Variants in LATS2 observed in about 807,000 individuals in gnomAD.
LATS2 encodes the protein large tumor suppressor kinase 2, also known as serine/threonine-protein kinase LATS2.
LATS2 carries 24 observed loss-of-function variants against 76.0 expected under a neutral mutation model. That is an observed-to-expected ratio of 0.32 (90% CI 0.23 to 0.44). LATS2 has a LOEUF of 0.44. Ranked by LOEUF, LATS2 falls within the 20% of genes least tolerant of loss-of-function variation. LATS2 has a pLI of 1.00. For synonymous variants in LATS2, 692 were observed against 635.4 expected (o/e 1.09, Z -1.34); for missense variants, 1,286 against 1,481.2 (o/e 0.87, Z 2.16).
intron 2 of LATS2, among the ~76,000 whole-genome samples, chr13:21,042,043 A>G (rs1317983818): frequency 6.6e-6 from 1 of 152,230 alleles, no homozygotes. Context: ...TCCAATGCTC[A>G]AAATATGATA....
Position 20,974,644 on chromosome 13 carries a change from T to A in LATS2, c.*226A>T. 1.9e-6 allele frequency: 1 copy of A among 522,272 alleles called. No individual in the cohort carries two copies. Among genetic ancestry groups the A allele is most frequent in the Non-Finnish European group, 3.3e-6 (1 of 298,668 alleles). The allele number at this position is 522,272 out of a possible 1,614,324, so 32.4% of individuals were successfully genotyped here. A position where few individuals can be genotyped will look rare whatever the true frequency, so the allele number is the denominator to read the frequency against. ...TGTACTAAATTTTCAAAAATATTGT[T>A]TTAATGCAGTGAAGGTCCTGAAAAG... On this transcript the variant is annotated 3_prime_UTR_variant, in exon 8 of 8. Coordinates refer to ENST00000382592, the MANE Select transcript of LATS2 (RefSeq NM_014572.3).
intron 2 of LATS2, among the ~76,000 whole-genome samples, chr13:21,024,089 T>G (rs551964950): frequency 2.9e-5 from 3 of 102,274 alleles, no homozygotes; most frequent in African/African-American, 1.4e-4. Context: ...AGTGTCTCGC[T>G]GTGCAAAAAA....
Position 20,974,931 on chromosome 13 carries a change from G to A in LATS2, c.3206C>T (p.Ser1069Leu). 5.6e-6 allele frequency: 9 copies of A among 1,614,166 alleles called. No individual in the cohort carries two copies. Among genetic ancestry groups the A allele is most frequent in the Non-Finnish European group, 6.8e-6 (8 of 1,180,036 alleles). ...CACCAGATCAGAGCTTTCTAAATCTGAGCTCTCAGCCTGTGAAGCTTCTGC... is the reference window on the plus strand; with the variant it reads ...CACCAGATCAGAGCTTTCTAAATCTAAGCTCTCAGCCTGTGAAGCTTCTGC... ...SGAEASQAESSDLESSDLVDQ... is the reference protein window; with the variant it reads ...SGAEASQAESLDLESSDLVDQ... Residue 1069 changes from serine (S) to leucine (L), a missense_variant, in exon 8 of 8, where the codon TCA becomes TTA. By Grantham distance (145) the Ser-to-Leu change is moderately radical. This residue lies in a region of LATS2 where 210 missense variants were observed against 234.9 expected (regional missense o/e 0.89). Transcript: ENST00000382592.
rs536552531 is a variant in LATS2 at position 20,988,313 on chromosome 13, C to T, written c.1467G>A (p.Glu489=). The part of the protein sequence containing the change: ...PAAEGLDAKE[E]HALALGGAGA... ...CTGCGCCGCCCAGCGCCAGGGCATG[C>T]TCCTCCTTGGCGTCCAAGCCCTCCG... The change falls in exon 4 of 8, where the codon GAG becomes GAA. Residue 489 remains glutamate, a synonymous_variant. Coordinates refer to ENST00000382592, the MANE Select transcript of LATS2 (RefSeq NM_014572.3). The T allele has an allele frequency of 2.6e-6, 4 of 1,546,880 alleles. No homozygotes were observed. The East Asian group carries it at 9.4e-5, about 36-fold the overall frequency.
At chr13:21,021,021 G>A (rs191758756) in intron 2 of LATS2, among the ~76,000 whole-genome samples, 2 of 152,240 alleles carry the variant, frequency 1.3e-5, no homozygotes, top group African/African-American at 4.8e-5. Flanking sequence ...TATGCTGTCT[G>A]GGATTTATTT....
chr13:20,981,351 G>T, intron 6 of LATS2, 115 bp downstream of exon 6: 1 of 957,838 alleles, frequency 1.0e-6, no homozygotes, highest in Non-Finnish European at 1.5e-6. Flanking sequence ...GCTTCTATGA[G>T]GACAAAAATA....
At chr13:20,982,650 T>C (rs902463011) in intron 5 of LATS2, among the ~76,000 whole-genome samples, 3 of 151,930 alleles carry the variant, frequency 2.0e-5, no homozygotes, top group African/African-American at 4.8e-5. Flanking sequence ...ATGAGGCAGG[T>C]GATGGTTCCC....
At chr13:20,993,350 T>C (rs895412305) in intron 2 of LATS2, among the ~76,000 whole-genome samples, 45 of 152,352 alleles carry the variant, frequency 3.0e-4, no homozygotes, top group African/African-American at 9.6e-4. Context: ...TAAGCACTTA[T>C]TGTCCATATA....
chr13:21,017,757 C>T (rs1209249388), intron 2 of LATS2, among the ~76,000 whole-genome samples: 4 of 151,774 alleles, frequency 2.6e-5, no homozygotes, highest in African/African-American at 7.3e-5. Context: ...TCCCAAGTAG[C>T]TAGAATTACA....
At position 21,045,833 on chromosome 13, in the gene LATS2, C is replaced by T. The variant is rs774557203; in HGVS notation, c.194G>A (p.Arg65Lys). The stretch of plus-strand genomic sequence containing the variant: ...ATAAGGTCCGAACTTTGGGGTGGCT[C>T]TCATCTGCTGCTGCTGCCTGGTGGC... The part of the protein sequence containing the change: ...KDATRQQQQM[R>K]ATPKFGPYQK... Residue 65 changes from arginine to lysine, a missense_variant, in exon 2 of 8, where the codon AGA becomes AAA. Physicochemically the swap from Arg to Lys is conservative, Grantham distance 26 (BLOSUM62 2). Transcript: ENST00000382592. 2 of 1,614,216 alleles carry T rather than the reference C, an allele frequency of 1.2e-6. No homozygotes were observed. The highest frequency in any genetic ancestry group is 3.3e-5 in the Admixed American group (2 of 60,024).
rs1254864188 is a variant in LATS2 at position 20,988,572 on chromosome 13, G to C, written c.1208C>G (p.Pro403Arg). ...GCTGTTGAAGGAGTTGGTCCTGCTG[G>C]GCACTGGGCAGTCAGGCCGGAAGGC... ...HVAFRPDCPV[P>R]SRTNSFNSHQ... The change falls in exon 4 of 8, where the codon CCC becomes CGC. Residue 403 changes from proline (P) to arginine (R), a missense_variant. Physicochemically the swap from Pro to Arg is moderately radical, Grantham distance 103. Coordinates refer to ENST00000382592, the MANE Select transcript of LATS2 (RefSeq NM_014572.3). The C allele has an allele frequency of 6.3e-7, 1 of 1,586,986 alleles. No homozygotes were observed. Among genetic ancestry groups the C allele is most frequent in the Non-Finnish European group, 8.5e-7 (1 of 1,174,812 alleles).
intron 1 of LATS2, among the ~76,000 whole-genome samples, chr13:21,057,467 A>T (rs1035196177): frequency 6.6e-6 from 1 of 152,208 alleles, no homozygotes; most frequent in Non-Finnish European, 1.5e-5. Flanking sequence ...ATCATAACCA[A>T]TGTCTTTATT....
At position 21,040,416 on chromosome 13, in the gene LATS2, T is replaced by G. The variant is rs182242777; in HGVS notation, c.342+5269A>C. 5.6e-3 allele frequency among the ~76,000 whole-genome samples: 833 copies of G among 147,486 alleles called. 8 individuals are homozygous for G. The highest frequency in any genetic ancestry group is 0.02 in the African/African-American group (800 of 39,384). On this transcript the variant is annotated intron_variant, in intron 2 of 7. Coordinates refer to ENST00000382592, the MANE Select transcript of LATS2 (RefSeq NM_014572.3). ...AGAAAGAAAAAGAAAAAGAAAGAAA[T>G]GTCTTTGCTGTGGAAGTTTGAATAG...
chr13:20,979,859 A>G, intron 6 of LATS2, 62 bp from the exon 7 acceptor site: 2 of 911,950 alleles, frequency 2.2e-6, no homozygotes, highest in South Asian at 1.5e-5. Flanking sequence ...GGTGAATTTC[A>G]TTAAGATGCT....
chr13:21,060,286 G>A (rs1213459640), intron 1 of LATS2, among the ~76,000 whole-genome samples: 1 of 152,252 alleles, frequency 6.6e-6, no homozygotes, highest in Non-Finnish European at 1.5e-5. Context: ...GTGATGGCAA[G>A]ATGTGAATGA....
chr13:20,988,107 C>A lies in LATS2; in HGVS notation c.1673G>T (p.Arg558Leu), dbSNP rs745371213. The change falls in exon 4 of 8, where the codon CGC becomes CTC. Residue 558 changes from arginine to leucine, a missense_variant. Coordinates refer to ENST00000382592, the MANE Select transcript of LATS2 (RefSeq NM_014572.3). ...GCCTTTGTCCCCCTTGGCGCTTTTG[C>A]GGCTCTTGTCGCCGCCCTCGGGCTC... ...PNEPEGGDKS[R>L]KSAKGDKGGK... 8 of 1,614,122 alleles carry A rather than the reference C, an allele frequency of 5.0e-6. No homozygotes were observed. In the African/African-American group the frequency reaches 8.0e-5, roughly 16 times the overall value.
At chr13:21,006,207 GAA>G (rs34939626) in intron 2 of LATS2, among the ~76,000 whole-genome samples, 1 of 143,580 alleles carries the variant, frequency 7.0e-6, no homozygotes, top group Non-Finnish European at 1.5e-5. Flanking sequence ...CATGTGTGAG[GAA>G]AAAAAAAAAA....
At chr13:20,983,871 G>A (rs1870023601) in intron 4 of LATS2, 65 bp from the exon 5 acceptor site, 5 of 1,292,504 alleles carry the variant, frequency 3.9e-6, no homozygotes, top group African/African-American at 1.5e-5. Flanking sequence ...ACAAATGACT[G>A]GGATGGGGAT....
intron 1 of LATS2, among the ~76,000 whole-genome samples, chr13:21,050,159 C>G (rs5028748): frequency 9.6e-4 from 31 of 32,150 alleles, no homozygotes; most frequent in South Asian, 5.4e-3. Flanking sequence ...TACATACATA[C>G]ATACATACAT....
Sources: allele counts gnomAD v4.1 joint callset (sites outside exome capture counted in the v4.1 genomes callset), GRCh38; gene constraint gnomAD v4.1.1; regional missense constraint gnomAD v4.1.1; transcripts MANE v1.5; gene names NCBI Gene and HGNC (gene_info 2026-07-23, HGNC 2026-07-21).